Variants in CHN1 observed in about 807,000 individuals in gnomAD.
CHN1 encodes N-chimaerin.
A neutral mutation model predicts 59.5 loss-of-function variants in CHN1; 37 were observed. The observed-to-expected ratio is 0.62, with a 90% CI of 0.48 to 0.82. The LOEUF is 0.82. CHN1 is among the 40% of genes least tolerant of loss of function. The pLI, the probability that CHN1 is intolerant of heterozygous loss-of-function variation, is 0.00. For missense variants in CHN1, 469 were observed against 571.0 expected, an observed-to-expected ratio of 0.82 and a Z score of 1.82; for synonymous variants, 206 against 200.4, an observed-to-expected ratio of 1.03 and a Z score of -0.24.
intron 6 of CHN1, among the ~76,000 whole-genome samples, chr2:174,872,216 C>A (rs1687431489): frequency 6.6e-6 from 1 of 152,058 alleles, no homozygotes; most frequent in South Asian, 2.1e-4. Context: ...CCCAGGAGGT[C>A]AAGGCTGCAG....
At chr2:174,956,614 A>C (rs1399250468) in intron 1 of CHN1, among the ~76,000 whole-genome samples, 1 of 151,972 alleles carries the variant, frequency 6.6e-6, no homozygotes, top group Non-Finnish European at 1.5e-5. Context: ...TCTACTAAAA[A>C]TACAATCATT....
At chr2:174,916,043 T>C (rs1688839007) in intron 4 of CHN1, among the ~76,000 whole-genome samples, 1 of 152,194 alleles carries the variant, frequency 6.6e-6, no homozygotes, top group Non-Finnish European at 1.5e-5. Flanking sequence ...AGACACAGGC[T>C]TTCTCTGACT....
chr2:174,919,667 T>C (rs998004168), intron 3 of CHN1, among the ~76,000 whole-genome samples: 2 of 152,216 alleles, frequency 1.3e-5, no homozygotes, highest in Non-Finnish European at 2.9e-5. Flanking sequence ...AAAAGGGGTG[T>C]GTGAATGTAT....
At chr2:174,922,188 G>A (rs947645776) in intron 3 of CHN1, among the ~76,000 whole-genome samples, 3 of 152,118 alleles carry the variant, frequency 2.0e-5, no homozygotes, top group Non-Finnish European at 2.9e-5. Context: ...CTTTGCTTAC[G>A]AAGATGAAAT....
intron 1 of CHN1, among the ~76,000 whole-genome samples, chr2:174,989,588 G>A (rs564070457): frequency 1.3e-5 from 2 of 151,672 alleles, no homozygotes; most frequent in South Asian, 2.1e-4. Flanking sequence ...CCAGAACTTC[G>A]AGACCAGCCT....
In CHN1 at chr2:174,990,233, C is replaced by CTGTG. The variant is rs954929353; in HGVS notation, c.19+14657_19+14660dup. ...TGCGGGGTGTGTGTGTGTGGTGTGT[C>CTGTG]TGTGTGTGTGTGTGTGTGTGTGTGT... On this transcript the variant is annotated intron_variant, in intron 1 of 12. Transcript: ENST00000409900. Among the ~76,000 whole-genome samples, 539 of 116,066 alleles carry CTGTG rather than the reference C, an allele frequency of 4.6e-3. 2 individuals are homozygous for CTGTG. Among genetic ancestry groups the CTGTG allele is most frequent in the Non-Finnish European group, 6.8e-3 (389 of 57,202 alleles). The allele number at this position is 116,066 out of a possible 152,430, so 76.1% of individuals were successfully genotyped here.
chr2:174,945,099 A>G, intron 2 of CHN1, 156 bp from the exon 3 acceptor site: 1 of 572,582 alleles, frequency 1.7e-6, no homozygotes. Context: ...AAAGTAAACA[A>G]AACTACATAT....
At chr2:174,982,069 T>C (rs1691172763) in intron 1 of CHN1, among the ~76,000 whole-genome samples, 1 of 152,158 alleles carries the variant, frequency 6.6e-6, no homozygotes, top group Admixed American at 6.5e-5. Flanking sequence ...GTCCTTGCGA[T>C]AGTTTGCTGA....
At chr2:174,905,463 C>G (rs1311829582) in intron 5 of CHN1, among the ~76,000 whole-genome samples, 2 of 152,150 alleles carry the variant, frequency 1.3e-5, no homozygotes, top group Non-Finnish European at 2.9e-5. Flanking sequence ...TCTCTACCTT[C>G]TACTTTAAAT....
chr2:174,970,415 C>G (rs1690723151), intron 1 of CHN1, among the ~76,000 whole-genome samples: 1 of 152,176 alleles, frequency 6.6e-6, no homozygotes, highest in African/African-American at 2.4e-5. Flanking sequence ...AAATAACTAA[C>G]TGTATTTACT....
chr2:174,886,695 G>A (rs1687904326), intron 5 of CHN1, among the ~76,000 whole-genome samples: 1 of 152,048 alleles, frequency 6.6e-6, no homozygotes, highest in Admixed American at 6.6e-5. Flanking sequence ...CAACAGTCTG[G>A]TTTCCATATG....
At chr2:174,951,606 G>C (rs1690027954) in intron 2 of CHN1, among the ~76,000 whole-genome samples, 2 of 151,972 alleles carry the variant, frequency 1.3e-5, no homozygotes, top group Admixed American at 6.6e-5. Context: ...ATATTCTCTA[G>C]AAAACAAGGA....
chr2:174,817,465 T>C (rs1006250369), intron 8 of CHN1, among the ~76,000 whole-genome samples: 1 of 139,178 alleles, frequency 7.2e-6, no homozygotes, highest in Non-Finnish European at 1.6e-5. Context: ...CATCCCCCAA[T>C]TTTTTTTTTT....
At chr2:174,918,223 T>C (rs1345046322) in intron 4 of CHN1, among the ~76,000 whole-genome samples, 2 of 152,184 alleles carry the variant, frequency 1.3e-5, no homozygotes, top group Non-Finnish European at 1.5e-5. Flanking sequence ...TACGTATCTA[T>C]ATACCTAATA....
intron 5 of CHN1, among the ~76,000 whole-genome samples, chr2:174,881,556 G>A (rs940394351): frequency 3.3e-5 from 5 of 152,188 alleles, no homozygotes; most frequent in African/African-American, 1.2e-4. Context: ...TCGAGTGGTA[G>A]TTCCCTTTCT....
chr2:174,965,271 T>C (rs1464216225), intron 1 of CHN1, among the ~76,000 whole-genome samples: 1 of 152,118 alleles, frequency 6.6e-6, no homozygotes, highest in Non-Finnish European at 1.5e-5. Context: ...AAATGACCTC[T>C]GAAAACAAAA....
chr2:174,939,950 T>C (rs993307397), intron 3 of CHN1, among the ~76,000 whole-genome samples: 2 of 152,190 alleles, frequency 1.3e-5, no homozygotes, highest in African/African-American at 2.4e-5. Context: ...TATATTGTGT[T>C]TTAAACCAGA....
At chr2:174,903,152 C>A (rs988023239) in intron 5 of CHN1, among the ~76,000 whole-genome samples, 3 of 152,112 alleles carry the variant, frequency 2.0e-5, no homozygotes, top group Non-Finnish European at 4.4e-5. Flanking sequence ...ACAGATGAGT[C>A]CTTTTTGACT....
chr2:174,982,599 G>C (rs1691191924), intron 1 of CHN1, among the ~76,000 whole-genome samples: 1 of 152,112 alleles, frequency 6.6e-6, no homozygotes, highest in Non-Finnish European at 1.5e-5. Flanking sequence ...AGAAATTCCA[G>C]AGTTCTGGCT....
Sources: allele counts gnomAD v4.1 joint callset (sites outside exome capture counted in the v4.1 genomes callset), GRCh38; gene constraint gnomAD v4.1.1; transcripts MANE v1.5; gene names NCBI Gene and HGNC (gene_info 2026-07-23, HGNC 2026-07-21).